EBF2: variants seen among roughly 807,000 people sequenced by gnomAD.
The protein encoded by EBF2 is transcription factor COE2.
A neutral mutation model predicts 72.8 loss-of-function variants in EBF2; 21 were observed. The ratio of observed to expected loss-of-function variants is 0.29; its 90% CI spans 0.20 to 0.42. EBF2 has a LOEUF of 0.42. Ranked by LOEUF, EBF2 falls within the 10% of genes least tolerant of loss-of-function variation. The probability of loss-of-function intolerance (pLI) is 1.00; values close to 1 mark genes in which losing one functional copy is unlikely to be tolerated. For synonymous variants in EBF2, 299 were observed against 274.2 expected (o/e 1.09, Z -0.89); for missense variants, 637 against 731.2 (o/e 0.87, Z 1.49).
intron 10 of EBF2, among the ~76,000 whole-genome samples, chr8:25,875,677 T>G (rs1802508995): frequency 6.6e-6 from 1 of 152,230 alleles, no homozygotes; most frequent in South Asian, 2.1e-4. Context: ...GCATTACTAT[T>G]GTGTTCACAG....
intron 4 of EBF2, among the ~76,000 whole-genome samples, 189 bp from the exon 5 acceptor site, chr8:26,040,290 C>T (rs1049394422): frequency 3.3e-5 from 5 of 152,276 alleles, no homozygotes; most frequent in South Asian, 4.2e-4. Context: ...GAGAAGTTTG[C>T]CCCAGTGAGA....
chr8:25,858,761 G>A (rs573295879), intron 13 of EBF2, among the ~76,000 whole-genome samples: 13 of 147,030 alleles, frequency 8.8e-5, no homozygotes, highest in African/African-American at 1.3e-4. Flanking sequence ...CCGGGTTCAC[G>A]TGATTCTTCT....
chr8:26,040,123 G>T (rs774216280), intron 4 of EBF2, 22 bp from the exon 5 acceptor site: 1 of 1,612,158 alleles, frequency 6.2e-7, no homozygotes, highest in South Asian at 1.1e-5. Context: ...GTAGTGGCAG[G>T]AAAGGAAGAT....
Position 25,932,803 on chromosome 8 carries a change from C to CT in EBF2, c.552-24249dup, listed in dbSNP as rs756847350. On this transcript the variant is annotated intron_variant, in intron 6 of 15. Transcript: ENST00000520164. ...GATTAGTAAAAAGCTCAGAAGCAGACTTTTTTTTTTTACTGCCAGAATCTA... is the reference window on the plus strand; with the variant it reads ...GATTAGTAAAAAGCTCAGAAGCAGACTTTTTTTTTTTTACTGCCAGAATCTA... Among the ~76,000 whole-genome samples the CT allele has an allele frequency of 7.2e-3, 1,057 of 145,826 alleles. 5 individuals are homozygous for CT. The highest frequency in any genetic ancestry group is 9.1e-3 in the African/African-American group (362 of 39,998).
intron 6 of EBF2, among the ~76,000 whole-genome samples, chr8:25,999,729 TTC>T (rs1336479312): frequency 2.0e-5 from 3 of 152,080 alleles, no homozygotes; most frequent in Non-Finnish European, 2.9e-5. Flanking sequence ...CCCTTCCATT[TTC>T]TCTTTCTATC....
chr8:25,894,030 G>A (rs551388865), intron 7 of EBF2, among the ~76,000 whole-genome samples: 72 of 152,252 alleles, frequency 4.7e-4, no homozygotes, highest in African/African-American at 1.7e-3. Flanking sequence ...GTATAGATAT[G>A]AGGCAAGTTC....
At chr8:25,888,096 G>T in intron 8 of EBF2, 124 bp from the exon 9 acceptor site, 2 of 1,046,364 alleles carry the variant, frequency 1.9e-6, no homozygotes, top group Non-Finnish European at 2.7e-6. Context: ...TAATGCTAAC[G>T]ATAACTGATG....
intron 11 of EBF2, among the ~76,000 whole-genome samples, chr8:25,862,205 C>A (rs1476010245): frequency 6.6e-6 from 1 of 152,100 alleles, no homozygotes; most frequent in Non-Finnish European, 1.5e-5. Flanking sequence ...AGAAAGCTAA[C>A]AACATGGGCC....
At chr8:25,942,647 G>T (rs896170675) in intron 6 of EBF2, among the ~76,000 whole-genome samples, 1 of 152,304 alleles carries the variant, frequency 6.6e-6, no homozygotes, top group African/African-American at 2.4e-5. Context: ...AAAACTGAAA[G>T]GCTTGTCTAA....
At chr8:25,878,126 C>T (rs922299125) in intron 10 of EBF2, among the ~76,000 whole-genome samples, 6 of 152,164 alleles carry the variant, frequency 3.9e-5, no homozygotes, top group Admixed American at 6.5e-5. Context: ...GCAGTGCTTC[C>T]GGCTGGTCCT....
At chr8:25,927,437 C>T (rs546658324) in intron 6 of EBF2, among the ~76,000 whole-genome samples, 33 of 151,232 alleles carry the variant, frequency 2.2e-4, no homozygotes, top group African/African-American at 8.0e-4. Flanking sequence ...GATATATATA[C>T]ATTTCCTATT....
chr8:25,898,874 C>T (rs76950610), intron 7 of EBF2, among the ~76,000 whole-genome samples: 203 of 152,208 alleles, frequency 1.3e-3, no homozygotes, highest in African/African-American at 4.8e-3. Flanking sequence ...GTTCTGCATT[C>T]GATAGTCCTG....
chr8:25,927,972 T>C (rs1803412933), intron 6 of EBF2, among the ~76,000 whole-genome samples: 1 of 152,094 alleles, frequency 6.6e-6, no homozygotes. Flanking sequence ...TTTACTCCAC[T>C]TGATTAAAAT....
chr8:25,975,546 C>T (rs184119234), intron 6 of EBF2, among the ~76,000 whole-genome samples: 45 of 152,220 alleles, frequency 3.0e-4, no homozygotes, highest in Non-Finnish European at 2.4e-4. Context: ...TGATCATATA[C>T]GCTGGCTTTA....
chr8:26,033,586 C>T (rs1805444752), intron 5 of EBF2, among the ~76,000 whole-genome samples: 1 of 152,128 alleles, frequency 6.6e-6, no homozygotes, highest in Non-Finnish European at 1.5e-5. Context: ...ACACTGGGGC[C>T]TGTCCGAGGG....
intron 6 of EBF2, among the ~76,000 whole-genome samples, chr8:26,003,010 G>T (rs975235081): frequency 6.6e-6 from 1 of 151,976 alleles, no homozygotes; most frequent in African/African-American, 2.4e-5. Flanking sequence ...ATCTGGGGAA[G>T]GTCTCATCCC....
intron 15 of EBF2, among the ~76,000 whole-genome samples, chr8:25,845,280 C>A (rs1240482642): frequency 6.6e-6 from 1 of 152,184 alleles, no homozygotes; most frequent in Non-Finnish European, 1.5e-5. Flanking sequence ...GTCACCCAGG[C>A]TGGAGTGCAG....
At chr8:25,925,931 G>A (rs981091338) in intron 6 of EBF2, among the ~76,000 whole-genome samples, 8 of 152,162 alleles carry the variant, frequency 5.3e-5, no homozygotes, top group Non-Finnish European at 1.2e-4. Flanking sequence ...GAAATTCACA[G>A]ACTCTGATTA....
At chr8:25,982,539 C>G (rs746665978) in intron 6 of EBF2, among the ~76,000 whole-genome samples, 2 of 152,126 alleles carry the variant, frequency 1.3e-5, no homozygotes, top group Admixed American at 1.3e-4. Context: ...TAATGTAAGA[C>G]TCCATGGGCA....
Sources: allele counts gnomAD v4.1 joint callset (sites outside exome capture counted in the v4.1 genomes callset), GRCh38; gene constraint gnomAD v4.1.1; transcripts MANE v1.5; gene names NCBI Gene and HGNC (gene_info 2026-07-23, HGNC 2026-07-21).